The following UMODL1 variants were observed in gnomAD, a reference collection of about 807,000 sequenced individuals.
UMODL1 encodes the protein uromodulin-like 1.
In UMODL1, 128 loss-of-function variants were observed where a neutral mutation model predicts 136.3. That is an observed-to-expected ratio of 0.94 (90% confidence interval 0.81 to 1.09). The LOEUF (loss-of-function observed/expected upper bound fraction) is 1.09, where lower values mean the gene tolerates loss of function less well. UMODL1 is among the 50% of genes least tolerant of loss of function. UMODL1 has a pLI of 0.00. For synonymous variants in UMODL1, 721 were observed against 720.0 expected, an observed-to-expected ratio of 1.00 and a Z score of -0.02; for missense variants, 1,766 against 1,725.6, an observed-to-expected ratio of 1.02 and a Z score of -0.41.
chr21:42,063,601 C>A lies in UMODL1; in HGVS notation c.-141+387C>A, dbSNP rs958685535. Among the ~76,000 whole-genome samples the A allele has an allele frequency of 2.8e-5, 4 of 144,740 alleles. No homozygotes were observed. In the South Asian group the frequency reaches 6.7e-4, roughly 24 times the overall value. The allele number at this position is 144,740 out of a possible 152,430, so 95.0% of individuals were successfully genotyped here. ...AGCCCAGGGAGGCTGCTCACCTGAT[C>A]GTTAGGACAGGAGCAGTGGAAACCT... is the stretch of plus-strand genomic sequence containing the variant. On this transcript the variant is annotated intron_variant, in intron 1 of 22. Transcript: ENST00000400424.
In UMODL1 at chr21:42,084,225, G is replaced by T. The variant is rs1330005367; in HGVS notation, c.461G>T (p.Cys154Phe). 3.1e-6 allele frequency: 5 copies of T among 1,613,460 alleles called. No individual in the cohort carries two copies. The African/African-American group carries it at 6.7e-5, about 22-fold the overall frequency. The change falls in exon 3 of 23, where the codon TGC becomes TTC. Residue 154 changes from cysteine to phenylalanine, a missense_variant. Coordinates refer to ENST00000408910, the MANE Select transcript of UMODL1 (RefSeq NM_001004416.3). The part of the protein sequence containing the change: ...KCCPWSGGRY[C>F]MAPAPQAPER... ...TGCCCCTGGTCAGGGGGGCGCTACT[G>T]CATGGCCCCTGCACCCCAAGGTAGG...
chr21:42,111,639 A>T lies in UMODL1; in HGVS notation c.2033A>T (p.Asp678Val), dbSNP rs761975917. 6.2e-7 allele frequency: 1 copy of T among 1,614,046 alleles called. No homozygotes were observed. Among genetic ancestry groups the T allele is most frequent in the South Asian group, 1.1e-5 (1 of 91,080 alleles). ...AATCCCACGTGGCTGCGAAATGAGGACAGTGGACCCTCCGGTTCTGTAGAC... is the reference window on the plus strand; with the variant it reads ...AATCCCACGTGGCTGCGAAATGAGGTCAGTGGACCCTCCGGTTCTGTAGAC... ...LLNPTWLRNEDSGPSGSVDLP... is the reference protein window; with the variant it reads ...LLNPTWLRNEVSGPSGSVDLP... The change falls in exon 12 of 23, where the codon GAC becomes GTC. Residue 678 changes from aspartate (D) to valine (V), a missense_variant. Coordinates refer to ENST00000408910, the MANE Select transcript of UMODL1 (RefSeq NM_001004416.3).
chr21:42,084,009 G>A (rs17114353), intron 2 of UMODL1, 75 bp from the exon 3 acceptor site: 63,137 of 1,551,518 alleles, frequency 0.041, 4,154 homozygotes, highest in African/African-American at 0.3. Context: ...AGGAAGCACC[G>A]ACGTGAGGTC....
chr21:42,129,232 A>T (rs1000946056), intron 20 of UMODL1, among the ~76,000 whole-genome samples: 1 of 151,896 alleles, frequency 6.6e-6, no homozygotes, highest in Non-Finnish European at 1.5e-5. Context: ...TAGGACTTCA[A>T]TCCCTTTTTG....
intron 2 of UMODL1, among the ~76,000 whole-genome samples, chr21:42,082,637 C>A (rs1457126017): frequency 6.6e-6 from 1 of 152,178 alleles, no homozygotes; most frequent in African/African-American, 2.4e-5. Context: ...CTCATGGCTG[C>A]CCTCAGCCTC....
At chr21:42,109,074 C>T (rs2066775317) in intron 9 of UMODL1, among the ~76,000 whole-genome samples, 1 of 135,202 alleles carries the variant, frequency 7.4e-6, no homozygotes, top group Non-Finnish European at 1.6e-5. Context: ...GTGTTATACT[C>T]CGCTGGACCC....
intron 21 of UMODL1, among the ~76,000 whole-genome samples, chr21:42,130,295 A>G (rs906629662): frequency 2.6e-4 from 40 of 152,296 alleles, no homozygotes; most frequent in Non-Finnish European, 4.7e-4. Flanking sequence ...TATTCAAAAG[A>G]TGCAAAAAAT....
intron 7 of UMODL1, among the ~76,000 whole-genome samples, chr21:42,100,021 C>T (rs918928227): frequency 3.2e-4 from 49 of 152,280 alleles, no homozygotes; most frequent in African/African-American, 1.1e-3. Context: ...GGGTCTGTCC[C>T]GGGCAGCCCA....
In UMODL1 at chr21:42,122,642, CGT is replaced by C. The variant is rs562846149; in HGVS notation, c.2828-181_2828-180del. On this transcript the variant is annotated intron_variant, in intron 16 of 22. Transcript: ENST00000408910. The surrounding 1 kb of genome is among the most constrained non-coding windows in gnomAD (Gnocchi z 4.3). Reference sequence around the variant, plus strand: ...ATGTGTGTGCATGCACGTGTGTGTACGTGTGTGTGCATATGTGTGCGTGTGTG... The same window carrying C: ...ATGTGTGTGCATGCACGTGTGTGTACGTGTGTGCATATGTGTGCGTGTGTG... 3.2e-3 allele frequency among the ~76,000 whole-genome samples: 470 copies of C among 147,216 alleles called. 1 individual carries two copies. Among genetic ancestry groups the C allele is most frequent in the African/African-American group, 0.011 (445 of 39,042 alleles).
In UMODL1 at chr21:42,113,775, C is replaced by T; in HGVS notation, c.2307C>T (p.Ile769=). ...LEPGVLHLVE[I]MAKACGKEGA... Reference sequence around the variant, plus strand: ...CTGGGGTCTTGCACCTGGTTGAGATCATGGCCAAAGCATGTGGGAAAGAAG... The same window carrying T: ...CTGGGGTCTTGCACCTGGTTGAGATTATGGCCAAAGCATGTGGGAAAGAAG... Residue 769 remains isoleucine, a synonymous_variant, in exon 13 of 23, where the codon ATC becomes ATT. Coordinates refer to ENST00000408910, the MANE Select transcript of UMODL1 (RefSeq NM_001004416.3). The T allele has an allele frequency of 6.2e-7, 1 of 1,614,058 alleles. No homozygotes were observed. Among genetic ancestry groups the T allele is most frequent in the Non-Finnish European group, 8.5e-7 (1 of 1,180,038 alleles).
chr21:42,125,027 G>A (rs1217644821), intron 17 of UMODL1, among the ~76,000 whole-genome samples: 1 of 152,118 alleles, frequency 6.6e-6, no homozygotes, highest in Non-Finnish European at 1.5e-5. Context: ...GAGGAGCCTT[G>A]AGGGGGTGCT....
At chr21:42,094,309 C>A (rs2066527733) in intron 6 of UMODL1, among the ~76,000 whole-genome samples, 2 of 152,210 alleles carry the variant, frequency 1.3e-5, no homozygotes, top group African/African-American at 4.8e-5. Flanking sequence ...GAAACAGCAT[C>A]CCCGGCACCT....
intron 19 of UMODL1, 117 bp from the exon 20 acceptor site, chr21:42,127,554 TC>T: frequency 8.0e-7 from 1 of 1,255,008 alleles, no homozygotes; most frequent in Middle Eastern, 2.7e-4. Flanking sequence ...GTCCTCGACT[TC>T]CACGGAGCCT....
chr21:42,109,455 C>G, intron 9 of UMODL1, 107 bp from the exon 10 acceptor site: 1 of 1,502,744 alleles, frequency 6.7e-7, no homozygotes, highest in Non-Finnish European at 9.0e-7. Flanking sequence ...TGCTCCCGGC[C>G]GTTCACTGCA....
rs1043734599 is a variant in UMODL1, at chr21:42,110,906, G to A, written c.1684G>A (p.Gly562Arg). The change falls in exon 11 of 23, where the codon GGA becomes AGA. Residue 562 changes from glycine (G) to arginine (R), a missense_variant. Gly to Arg is a moderately radical substitution (Grantham distance 125). Transcript: ENST00000408910. ...EGDLVSPMGGGLSAATGVTVP... is the reference protein window; with the variant it reads ...EGDLVSPMGGRLSAATGVTVP... The stretch of plus-strand genomic sequence containing the variant: ...TGACCTGGTGAGCCCCATGGGCGGT[G>A]GACTGTCTGCGGCAACAGGGGTAAC... The A allele has an allele frequency of 1.2e-6, 2 of 1,611,060 alleles. No individual in the cohort carries two copies. The highest frequency in any genetic ancestry group is 1.3e-5 in the African/African-American group (1 of 74,874).
At chr21:42,118,491 T>C (rs1266076893) in intron 14 of UMODL1, among the ~76,000 whole-genome samples, 1 of 152,196 alleles carries the variant, frequency 6.6e-6, no homozygotes, top group Non-Finnish European at 1.5e-5. Context: ...TAGCATGGAA[T>C]CAATCATATA....
At chr21:42,066,314 G>T (rs569628850) in intron 1 of UMODL1, among the ~76,000 whole-genome samples, 1 of 152,134 alleles carries the variant, frequency 6.6e-6, no homozygotes, top group Non-Finnish European at 1.5e-5. Flanking sequence ...ACGGAGTCTC[G>T]CTCTGTCGCC....
rs1418567419 is a variant in UMODL1 at position 42,102,297 on chromosome 21, CAG to C, written c.1299+21_1299+22del. The C allele has an allele frequency of 5.8e-6, 9 of 1,557,600 alleles. No individual in the cohort carries two copies. Among genetic ancestry groups the C allele is most frequent in the Non-Finnish European group, 7.9e-6 (9 of 1,132,632 alleles). On this transcript the variant is annotated intron_variant, in intron 8 of 22. Coordinates refer to ENST00000408910, the MANE Select transcript of UMODL1 (RefSeq NM_001004416.3). ...TCACGAGGTAAAGCCACAATGCAGA[CAG>C]AAATCTTTTCTTGGGTGTTCTGAGT...
intron 6 of UMODL1, among the ~76,000 whole-genome samples, chr21:42,091,539 A>C (rs905006848): frequency 6.6e-6 from 1 of 152,216 alleles, no homozygotes; most frequent in African/African-American, 2.4e-5. Flanking sequence ...GCAGGAGTCT[A>C]GGGTGTGGAA....
Sources: gnomAD v4.1 joint callset for allele counts (sites outside exome capture counted in the v4.1 genomes callset) on GRCh38, gnomAD v4.1.1 for gene constraint, Gnocchi (gnomAD v3.1) non-coding constraint, MANE v1.5 for transcripts, NCBI Gene and HGNC (gene_info 2026-07-23, HGNC 2026-07-21) for gene names.